Variants in PAG1 observed in about 807,000 individuals in gnomAD.
PAG1 encodes the protein phosphoprotein associated with glycosphingolipid-enriched microdomains 1.
PAG1 carries 23 observed loss-of-function variants against 31.7 expected under a neutral mutation model. That is an observed-to-expected ratio of 0.73 (90% CI 0.52 to 1.03). The LOEUF is 1.03. PAG1 is among the 50% of genes least tolerant of loss of function. PAG1 has a pLI of 0.00. For missense variants in PAG1, 473 were observed against 540.7 expected, an observed-to-expected ratio of 0.87 and a Z score of 1.24; for synonymous variants, 214 against 210.3, an observed-to-expected ratio of 1.02 and a Z score of -0.15.
chr8:81,032,669 T>A (rs1401791665), intron 2 of PAG1, among the ~76,000 whole-genome samples: 1 of 152,168 alleles, frequency 6.6e-6, no homozygotes, highest in Non-Finnish European at 1.5e-5. Flanking sequence ...TGTTAGTTCC[T>A]CAGAATGTTA....
intron 7 of PAG1, among the ~76,000 whole-genome samples, chr8:80,983,175 A>G (rs951313931): frequency 6.6e-6 from 1 of 152,118 alleles, no homozygotes; most frequent in African/African-American, 2.4e-5. Flanking sequence ...TGCAAGCTCT[A>G]GCTTCAGGGG....
chr8:80,980,084 A>G (rs1234685293), intron 8 of PAG1, among the ~76,000 whole-genome samples: 1 of 152,062 alleles, frequency 6.6e-6, no homozygotes, highest in Non-Finnish European at 1.5e-5. Context: ...GAATTTTCCA[A>G]CCCATGATTC....
At chr8:81,073,115 T>C (rs1563420204) in intron 1 of PAG1, among the ~76,000 whole-genome samples, 1 of 152,344 alleles carries the variant, frequency 6.6e-6, no homozygotes, top group East Asian at 1.9e-4. Context: ...TCTTAGGACA[T>C]TTCCACTGCC....
intron 6 of PAG1, among the ~76,000 whole-genome samples, chr8:80,987,005 A>C (rs952995784): frequency 5.3e-5 from 8 of 152,230 alleles, no homozygotes; most frequent in Non-Finnish European, 1.0e-4. Flanking sequence ...TTGTTACAGC[A>C]GCAATGTGCC....
At chr8:81,016,648 T>C (rs988208297) in intron 3 of PAG1, among the ~76,000 whole-genome samples, 2 of 152,238 alleles carry the variant, frequency 1.3e-5, no homozygotes, top group Non-Finnish European at 2.9e-5. Flanking sequence ...GTTTTCTACC[T>C]GTGGTTGATT....
intron 2 of PAG1, 106 bp downstream of exon 2, chr8:81,070,006 A>G (rs1809068560): frequency 2.6e-5 from 4 of 152,222 alleles, no homozygotes; most frequent in African/African-American, 4.8e-5. Context: ...CTTAACCCAA[A>G]CAGAGTCTCC....
chr8:81,094,183 G>A (rs748759211), intron 1 of PAG1, among the ~76,000 whole-genome samples: 1 of 152,058 alleles, frequency 6.6e-6, no homozygotes, highest in East Asian at 1.9e-4. Context: ...GAGGGACATC[G>A]TCCTAAAAGT....
intron 2 of PAG1, among the ~76,000 whole-genome samples, chr8:81,031,852 G>A (rs1027015982): frequency 6.6e-6 from 1 of 152,166 alleles, no homozygotes; most frequent in Non-Finnish European, 1.5e-5. Flanking sequence ...CAGTCATAAG[G>A]ATAGACATAC....
intron 1 of PAG1, among the ~76,000 whole-genome samples, chr8:81,082,423 C>T: frequency 6.6e-6 from 1 of 152,098 alleles, no homozygotes; most frequent in East Asian, 1.9e-4. Flanking sequence ...TGGCCTACTA[C>T]ACTCAACTCC....
At chr8:81,065,825 GTATA>G (rs891842897) in intron 2 of PAG1, among the ~76,000 whole-genome samples, 2 of 150,434 alleles carry the variant, frequency 1.3e-5, no homozygotes, top group East Asian at 1.9e-4. Flanking sequence ...GTGTATGTGT[GTATA>G]TATATGTTTA....
chr8:80,981,170 C>A (rs1807292583), intron 7 of PAG1, among the ~76,000 whole-genome samples: 1 of 152,044 alleles, frequency 6.6e-6, no homozygotes, highest in Non-Finnish European at 1.5e-5. Flanking sequence ...GCACCCCAGG[C>A]CTTTCTAAAC....
At chr8:81,092,839 A>C (rs1354161264) in intron 1 of PAG1, among the ~76,000 whole-genome samples, 2 of 152,220 alleles carry the variant, frequency 1.3e-5, no homozygotes, top group African/African-American at 4.8e-5. Context: ...TGTGGTAGTG[A>C]GCTTTAACAG....
At chr8:81,063,233 T>C (rs1278887660) in intron 2 of PAG1, among the ~76,000 whole-genome samples, 1 of 152,236 alleles carries the variant, frequency 6.6e-6, no homozygotes, top group African/African-American at 2.4e-5. Flanking sequence ...AGCCAGGTAC[T>C]TCCTTCTTAG....
intron 3 of PAG1, among the ~76,000 whole-genome samples, chr8:81,023,885 A>G (rs1563633135): frequency 6.6e-6 from 1 of 152,248 alleles, no homozygotes; most frequent in Non-Finnish European, 1.5e-5. Flanking sequence ...AAAAGTCTGT[A>G]AGAATTTTGA....
chr8:81,080,341 TTTTCA>T (rs1173443471), intron 1 of PAG1, among the ~76,000 whole-genome samples: 1 of 152,082 alleles, frequency 6.6e-6, no homozygotes, highest in African/African-American at 2.4e-5. Flanking sequence ...ATAATGGAGA[TTTTCA>T]GAAATAGAAC....
At chr8:81,059,043 C>A (rs1230403028) in intron 2 of PAG1, among the ~76,000 whole-genome samples, 1 of 151,894 alleles carries the variant, frequency 6.6e-6, no homozygotes, top group African/African-American at 2.4e-5. Context: ...GTTCCAGAAC[C>A]CCCCTCAGAT....
intron 1 of PAG1, among the ~76,000 whole-genome samples, chr8:81,109,013 C>T (rs901515625): frequency 2.6e-5 from 4 of 152,050 alleles, no homozygotes; most frequent in Admixed American, 1.3e-4. Flanking sequence ...GCTGCAGCTA[C>T]ACGTGCAGGC....
intron 1 of PAG1, among the ~76,000 whole-genome samples, chr8:81,108,435 T>C (rs921452615): frequency 1.3e-5 from 2 of 150,712 alleles, no homozygotes; most frequent in Non-Finnish European, 3.0e-5. Flanking sequence ...AGAGTTTTGA[T>C]TTTTTTTTTA....
At chr8:81,032,239 G>C (rs147585660) in intron 2 of PAG1, among the ~76,000 whole-genome samples, 67 of 152,196 alleles carry the variant, frequency 4.4e-4, no homozygotes, top group African/African-American at 1.6e-3. Context: ...AAAAATATTT[G>C]TAATTTAAAG....
Sources: gnomAD v4.1 joint callset for allele counts (sites outside exome capture counted in the v4.1 genomes callset) on GRCh38, gnomAD v4.1.1 for gene constraint, MANE v1.5 for transcripts, NCBI Gene and HGNC (gene_info 2026-07-23, HGNC 2026-07-21) for gene names.